IFT57: variants seen among roughly 807,000 people sequenced by gnomAD.
IFT57 encodes intraflagellar transport protein 57 homolog.
A neutral mutation model predicts 56.8 loss-of-function variants in IFT57; 59 were observed. The ratio of observed to expected loss-of-function variants is 1.04; its 90% CI spans 0.84 to 1.29. The LOEUF is 1.29. Ranked by LOEUF, IFT57 falls within the 50% of genes most tolerant of loss-of-function variation. IFT57 has a pLI of 0.00. For missense variants in IFT57, 470 were observed against 522.1 expected, an observed-to-expected ratio of 0.90 and a Z score of 0.97; for synonymous variants, 209 against 186.1, an observed-to-expected ratio of 1.12 and a Z score of -1.00.
chr3:108,167,023 C>A (rs757789667), intron 7 of IFT57, 38 bp from the exon 8 acceptor site: 1 of 1,567,898 alleles, frequency 6.4e-7, no homozygotes, highest in Admixed American at 1.9e-5. Context: ...GAAGAACTCA[C>A]AAACATATTT....
chr3:108,204,696 A>G (rs1363909398), intron 5 of IFT57, among the ~76,000 whole-genome samples: 1 of 151,778 alleles, frequency 6.6e-6, no homozygotes, highest in East Asian at 1.9e-4. Flanking sequence ...ACTAATTACA[A>G]CTTGCTAAAG....
At chr3:108,188,394 C>T (rs1289730) in intron 6 of IFT57, among the ~76,000 whole-genome samples, 151,720 of 152,320 alleles carry the variant, frequency 1, 75,564 homozygotes, top group Middle Eastern at 1. Context: ...TCCCAATTGC[C>T]ATATCTGAAA....
At position 108,163,723 on chromosome 3, in the gene IFT57, C is replaced by G. The variant is rs778052947; in HGVS notation, c.1051G>C (p.Glu351Gln). The stretch of plus-strand genomic sequence containing the variant: ...TCTTGTTTTACCTTTTCTAATTCTT[C>G]CATAACCTTTCATGAAAACAAGTTT... ...ERTRLLSEVM[E>Q]ELEKVKQEME... The change falls in exon 10 of 11, where the codon GAA becomes CAA. Residue 351 changes from glutamate to glutamine, a missense_variant. Coordinates refer to ENST00000264538, the MANE Select transcript of IFT57 (RefSeq NM_018010.4). 1.2e-6 allele frequency: 2 copies of G among 1,605,416 alleles called. No individual in the cohort carries two copies. The highest frequency in any genetic ancestry group is 3.3e-5 in the Admixed American group (2 of 59,772).
intron 7 of IFT57, 26 bp downstream of exon 7, chr3:108,167,767 T>G: frequency 7.0e-7 from 1 of 1,437,984 alleles, no homozygotes; most frequent in Non-Finnish European, 9.5e-7. Flanking sequence ...AAATGTACAT[T>G]GATTCACGTA....
At chr3:108,162,726 A>G in intron 10 of IFT57, 71 bp from the exon 11 acceptor site, 1 of 1,226,868 alleles carries the variant, frequency 8.2e-7, no homozygotes, top group South Asian at 2.1e-5. Flanking sequence ...ATTGTATGAC[A>G]TTTTCCTCAC....
intron 4 of IFT57, among the ~76,000 whole-genome samples, chr3:108,207,848 C>A (rs1344153260): frequency 2.0e-5 from 3 of 152,054 alleles, no homozygotes; most frequent in Admixed American, 6.6e-5. Context: ...TCGAGACCAT[C>A]CTGGCTAACA....
intron 4 of IFT57, among the ~76,000 whole-genome samples, chr3:108,211,911 TCA>T (rs1430302802): frequency 6.6e-6 from 1 of 152,212 alleles, no homozygotes; most frequent in Non-Finnish European, 1.5e-5. Flanking sequence ...TGGAATCATC[TCA>T]GTTAATTTTA....
Position 108,162,635 on chromosome 3 carries a change from G to GTTTA in IFT57, c.1128_1131dup (p.Gln378Ter). 1 of 1,602,004 alleles carries GTTTA rather than the reference G, an allele frequency of 6.2e-7. No individual in the cohort carries two copies. Among genetic ancestry groups the GTTTA allele is most frequent in the Non-Finnish European group, 8.5e-7 (1 of 1,174,616 alleles). ...TCTTGCTTCAGTTTTGTTAAGCTCT[G>GTTTA]TTTAATCTTCACCAAAGGAGCTGCA... On this transcript the variant is annotated stop_gained and frameshift_variant, in exon 11 of 11. Coordinates refer to ENST00000264538, the MANE Select transcript of IFT57 (RefSeq NM_018010.4). LOFTEE classifies it high-confidence loss of function.
At chr3:108,204,549 A>G (rs2080299018) in intron 5 of IFT57, among the ~76,000 whole-genome samples, 2 of 152,350 alleles carry the variant, frequency 1.3e-5, no homozygotes, top group South Asian at 4.1e-4. Context: ...CACCATCAAT[A>G]TAAGAATGAA....
At chr3:108,183,243 A>C (rs1265333135) in intron 6 of IFT57, among the ~76,000 whole-genome samples, 1 of 152,156 alleles carries the variant, frequency 6.6e-6, no homozygotes, top group East Asian at 1.9e-4. Context: ...TGACTTTAGA[A>C]GCCACTTTCC....
At chr3:108,216,127 C>CAA (rs2080371562) in intron 3 of IFT57, among the ~76,000 whole-genome samples, 1 of 152,046 alleles carries the variant, frequency 6.6e-6, no homozygotes, top group Admixed American at 6.6e-5. Context: ...CAAAAATAAA[C>CAA]AAATGCGATT....
chr3:108,217,740 A>C (rs2080380613), intron 3 of IFT57, among the ~76,000 whole-genome samples: 2 of 151,336 alleles, frequency 1.3e-5, no homozygotes, highest in African/African-American at 4.8e-5. Flanking sequence ...AAAAAAAAAA[A>C]CACTGCTTAC....
chr3:108,208,913 C>G (rs1289743), intron 4 of IFT57, among the ~76,000 whole-genome samples: 118,489 of 152,080 alleles, frequency 0.78, 47,170 homozygotes, highest in Non-Finnish European at 0.86. Context: ...TATTACCATG[C>G]CCTGTGACTA....
intron 5 of IFT57, among the ~76,000 whole-genome samples, chr3:108,191,882 G>A (rs979770283): frequency 1.8e-4 from 28 of 152,116 alleles, no homozygotes; most frequent in African/African-American, 5.3e-4. Flanking sequence ...ATTTTTACAA[G>A]GAAAAATGTT....
intron 6 of IFT57, among the ~76,000 whole-genome samples, chr3:108,178,293 G>T (rs1268103129): frequency 1.3e-5 from 2 of 151,790 alleles, no homozygotes; most frequent in African/African-American, 4.8e-5. Context: ...AACTTAGATG[G>T]ATTGCAAATC....
intron 5 of IFT57, among the ~76,000 whole-genome samples, chr3:108,202,003 C>A (rs1221574188): frequency 6.6e-6 from 1 of 152,142 alleles, no homozygotes; most frequent in Non-Finnish European, 1.5e-5. Context: ...GTGTTTAAAC[C>A]TTTTGAGATA....
At chr3:108,216,279 C>CA (rs1197191558) in intron 3 of IFT57, among the ~76,000 whole-genome samples, 4 of 152,018 alleles carry the variant, frequency 2.6e-5, no homozygotes, top group African/African-American at 4.8e-5. Flanking sequence ...AAAACAACAA[C>CA]AAAAAAACTA....
At chr3:108,221,968 G>A (rs1318727871) in intron 1 of IFT57, 143 bp downstream of exon 1, 6 of 1,450,376 alleles carry the variant, frequency 4.1e-6, no homozygotes, top group Non-Finnish European at 5.5e-6. Context: ...GGGAGTTTGG[G>A]GTGAAGTGCC....
In IFT57 at chr3:108,219,573, CT is replaced by C. The variant is rs2080393532; in HGVS notation, c.213-2del. The stretch of plus-strand genomic sequence containing the variant: ...GTTGGTAGGCAGTGCAAAATAGTGT[CT>C]GTTTCAAAACAAGGAGGAATGGGGG... On this transcript the variant is annotated splice_acceptor_variant, in intron 1 of 10. Coordinates refer to ENST00000264538, the MANE Select transcript of IFT57 (RefSeq NM_018010.4). LOFTEE classifies it high-confidence loss of function. 6.2e-7 allele frequency: 1 copy of C among 1,612,914 alleles called. No individual in the cohort carries two copies. The highest frequency in any genetic ancestry group is 1.7e-5 in the Admixed American group (1 of 59,976).
Sources: allele counts gnomAD v4.1 joint callset (sites outside exome capture counted in the v4.1 genomes callset), GRCh38; gene constraint gnomAD v4.1.1; transcripts MANE v1.5; gene names NCBI Gene and HGNC (gene_info 2026-07-23, HGNC 2026-07-21).